The following AGPS variants were observed in gnomAD, a reference collection of about 807,000 sequenced individuals.
The protein encoded by AGPS is alkyldihydroxyacetonephosphate synthase, peroxisomal.
A neutral mutation model predicts 90.7 loss-of-function variants in AGPS; 26 were observed. The observed-to-expected ratio is 0.29, with a 90% CI of 0.21 to 0.40. AGPS has a LOEUF of 0.40. Ranked by LOEUF, AGPS falls within the 10% of genes least tolerant of loss-of-function variation. AGPS has a pLI of 1.00. For missense variants in AGPS, 540 were observed against 816.1 expected (o/e 0.66, Z 4.12); for synonymous variants, 294 against 285.3 (o/e 1.03, Z -0.31).
At position 177,541,130 on chromosome 2, in the gene AGPS, C is replaced by G. The variant is rs1428974846; in HGVS notation, c.*2935C>G. On this transcript the variant is annotated 3_prime_UTR_variant, in exon 20 of 20. Coordinates refer to ENST00000264167, the MANE Select transcript of AGPS (RefSeq NM_003659.4). ...AGTTATTTATGAAGTTGGGAGCCTT[C>G]TAGTTTGCCTGTGTTGATGTATTTT... 1 of 152,040 alleles carries G rather than the reference C, an allele frequency of 6.6e-6. No individual in the cohort carries two copies. The highest frequency in any genetic ancestry group is 1.5e-5 in the Non-Finnish European group (1 of 67,990). The allele number at this position is 152,040 out of a possible 1,614,324, so 9.4% of individuals were successfully genotyped here.
At chr2:177,472,696 G>C (rs1687664586) in intron 10 of AGPS, among the ~76,000 whole-genome samples, 1 of 152,100 alleles carries the variant, frequency 6.6e-6, no homozygotes, top group African/African-American at 2.4e-5. Context: ...TCTACCCTCT[G>C]CTATGCTATT....
intron 11 of AGPS, among the ~76,000 whole-genome samples, chr2:177,487,532 G>T (rs542140623): frequency 2.6e-5 from 4 of 152,104 alleles, no homozygotes; most frequent in East Asian, 1.9e-4. Context: ...TTTATGAATT[G>T]TTCTGTTTTA....
At chr2:177,537,214 T>C (rs556428110) in intron 19 of AGPS, among the ~76,000 whole-genome samples, 1 of 152,296 alleles carries the variant, frequency 6.6e-6, no homozygotes, top group Admixed American at 6.5e-5. Context: ...AGAATTCTTT[T>C]ACAGATTAAG....
At chr2:177,441,175 A>G in intron 6 of AGPS, 139 bp downstream of exon 6, 2 of 754,028 alleles carry the variant, frequency 2.7e-6, no homozygotes, top group Non-Finnish European at 4.4e-6. Flanking sequence ...TTGGTCAATG[A>G]TGCTCATTTT....
chr2:177,451,362 T>A (rs576675659), intron 8 of AGPS, among the ~76,000 whole-genome samples: 1 of 152,316 alleles, frequency 6.6e-6, no homozygotes, highest in East Asian at 1.9e-4. Context: ...TCTTTAATAG[T>A]GTATAAAAAT....
rs1054291631 is a variant in AGPS, at chr2:177,523,928, CTA to C, written c.1855+125_1855+126del. 66 of 867,660 alleles carry C rather than the reference CTA, an allele frequency of 7.6e-5. No individual in the cohort carries two copies. The Admixed American group carries it at 1.3e-3, about 17-fold the overall frequency. 53.7% of individuals were successfully genotyped at this position (867,660 alleles called of 1,614,324 possible). A position where few individuals can be genotyped will look rare whatever the true frequency, so the allele number is the denominator to read the frequency against. ...AGTACTTGAGGTTTCTTTAAAGTTT[CTA>C]TGTCTTTGAAATAGCTGTTACTGAG... On this transcript the variant is annotated intron_variant, in intron 19 of 19. Transcript: ENST00000264167.
At chr2:177,532,265 T>C in intron 19 of AGPS, among the ~76,000 whole-genome samples, 1 of 152,126 alleles carries the variant, frequency 6.6e-6, no homozygotes, top group East Asian at 1.9e-4. Context: ...AGCTCATTAG[T>C]AAAAAGCAAA....
Position 177,538,040 on chromosome 2 carries a change from A to G in AGPS, c.1856-34A>G, listed in dbSNP as rs938766602. 15 of 1,611,846 alleles carry G rather than the reference A, an allele frequency of 9.3e-6. No individual in the cohort carries two copies. The Admixed American group carries it at 2.2e-4, about 23-fold the overall frequency. On this transcript the variant is annotated intron_variant, in intron 19 of 19. Coordinates refer to ENST00000264167, the MANE Select transcript of AGPS (RefSeq NM_003659.4). ...ATTGATTGGTTCCCAGTATCATAGC[A>G]TATATTGAAGCATTTTTGATTTTGT... is the stretch of plus-strand genomic sequence containing the variant.
intron 8 of AGPS, among the ~76,000 whole-genome samples, chr2:177,456,784 G>A (rs188388908): frequency 5.3e-5 from 8 of 152,216 alleles, no homozygotes; most frequent in Admixed American, 3.3e-4. Flanking sequence ...ACAGATCAAC[G>A]AGACAGAAAA....
Position 177,436,821 on chromosome 2 carries a change from G to A in AGPS, c.499G>A (p.Asp167Asn). 1 of 1,610,476 alleles carries A rather than the reference G, an allele frequency of 6.2e-7. No homozygotes were observed. Residue 167 changes from aspartate to asparagine, a missense_variant, in exon 4 of 20, where the codon GAC becomes AAC. Physicochemically the swap from Asp to Asn is conservative, Grantham distance 23 (BLOSUM62 1). This residue lies in a region of AGPS where 405 missense variants were observed against 692.1 expected (regional missense o/e 0.59). Coordinates refer to ENST00000264167, the MANE Select transcript of AGPS (RefSeq NM_003659.4). ...PSVVNEDFLH[D>N]LKETNISYSQ... ...TGTTGTAAATGAAGATTTTCTTCAT[G>A]ACCTTAAAGAAACTAATATTTCATA...
intron 1 of AGPS, among the ~76,000 whole-genome samples, chr2:177,402,159 A>T (rs1290391340): frequency 6.6e-6 from 1 of 152,230 alleles, no homozygotes; most frequent in Non-Finnish European, 1.5e-5. Flanking sequence ...GAGGGTAAGG[A>T]GGTAGGGTTC....
chr2:177,414,684 A>G (rs570303610), intron 1 of AGPS, among the ~76,000 whole-genome samples: 7 of 152,304 alleles, frequency 4.6e-5, no homozygotes, highest in African/African-American at 1.7e-4. Context: ...AACCATCATG[A>G]AAGTTCTGTG....
chr2:177,405,705 T>C (rs1034692564), intron 1 of AGPS, among the ~76,000 whole-genome samples: 2 of 151,730 alleles, frequency 1.3e-5, no homozygotes, highest in African/African-American at 4.8e-5. Flanking sequence ...TTCCTGTCTT[T>C]CTGACCATGG....
intron 9 of AGPS, among the ~76,000 whole-genome samples, chr2:177,465,445 C>G (rs9789582): frequency 0.71 from 107,308 of 152,122 alleles, 38,241 homozygotes; most frequent in Admixed American, 0.78. Flanking sequence ...TTTGCTTGGG[C>G]CCACTGGGCT....
intron 1 of AGPS, among the ~76,000 whole-genome samples, chr2:177,410,377 C>T (rs1685585597): frequency 6.6e-6 from 1 of 152,114 alleles, no homozygotes; most frequent in Non-Finnish European, 1.5e-5. Flanking sequence ...GATAGGTGTT[C>T]CCTCGGAAGT....
intron 10 of AGPS, among the ~76,000 whole-genome samples, chr2:177,475,636 A>T (rs188897031): frequency 6.6e-6 from 1 of 152,228 alleles, no homozygotes; most frequent in Admixed American, 6.5e-5. Flanking sequence ...TCAGTACCTC[A>T]TTCCTTTTTT....
chr2:177,526,172 GATC>G (rs1169601673), intron 19 of AGPS, among the ~76,000 whole-genome samples: 1 of 150,398 alleles, frequency 6.6e-6, no homozygotes, highest in Non-Finnish European at 1.5e-5. Flanking sequence ...TAATTTATAA[GATC>G]ATGTTTATTC....
intron 1 of AGPS, among the ~76,000 whole-genome samples, chr2:177,401,835 C>T (rs1031608895): frequency 4.6e-5 from 7 of 152,176 alleles, no homozygotes; most frequent in East Asian, 1.9e-4. Context: ...TGTGAGCCAC[C>T]GTGCCCGGCT....
chr2:177,465,641 C>T (rs1687423618), intron 9 of AGPS, among the ~76,000 whole-genome samples: 1 of 152,212 alleles, frequency 6.6e-6, no homozygotes, highest in African/African-American at 2.4e-5. Flanking sequence ...GGCATCAGCT[C>T]CCTACAAGGC....
Sources: gnomAD v4.1 joint callset for allele counts (sites outside exome capture counted in the v4.1 genomes callset) on GRCh38, gnomAD v4.1.1 for gene constraint, gnomAD v4.1.1 regional missense constraint, MANE v1.5 for transcripts, NCBI Gene and HGNC (gene_info 2026-07-23, HGNC 2026-07-21) for gene names.